The following PROSER2 variants were observed in gnomAD, a reference collection of about 807,000 sequenced individuals.
The protein encoded by PROSER2 is proline and serine-rich protein 2.
PROSER2 carries 18 observed loss-of-function variants against 14.6 expected under a neutral mutation model. The observed-to-expected ratio is 1.23, with a 90% CI of 0.85 to 1.83. The LOEUF is 1.83. Among genes scored for constraint, PROSER2 ranks in the 40% most tolerant of loss-of-function variants. The pLI, the probability that PROSER2 is intolerant of heterozygous loss-of-function variation, is 0.00. For synonymous variants in PROSER2, 367 were observed against 286.4 expected (o/e 1.28, Z -2.84); for missense variants, 823 against 629.8 (o/e 1.31, Z -3.28).
At chr10:11,857,429 A>G (rs1047098404) in intron 2 of PROSER2, 1 of 152,178 alleles carries the variant, frequency 6.6e-6, no homozygotes, top group African/African-American at 2.4e-5. Context: ...GAAACATGAC[A>G]GTAGTATCTA....
At position 11,838,632 on chromosome 10, in the gene PROSER2, A is replaced by G. The variant is rs1004702643; in HGVS notation, c.-81-13365A>G. Among the ~76,000 whole-genome samples, 3 of 152,230 alleles carry G rather than the reference A, an allele frequency of 2.0e-5. No individual in the cohort carries two copies. Among genetic ancestry groups the G allele is most frequent in the African/African-American group, 7.2e-5 (3 of 41,456 alleles). On this transcript the variant is annotated intron_variant, in intron 1 of 3. Coordinates refer to ENST00000277570, the MANE Select transcript of PROSER2 (RefSeq NM_153256.4). The surrounding 1 kb of genome is among the most constrained non-coding windows in gnomAD (Gnocchi z 4.4). Reference sequence around the variant, plus strand: ...GTATGAATTCATTCCCAGCAGGTTCACCAAGGTTGACCCACATTCTTGCTG... The same window carrying G: ...GTATGAATTCATTCCCAGCAGGTTCGCCAAGGTTGACCCACATTCTTGCTG...
rs966658691 is a variant in PROSER2, at chr10:11,830,499, G to C, written c.-82+7029G>C. ...CGCCGCGGTAAAGATGCAAGTGCAG[G>C]TGTCTTTTGATGTAATGATTTCTCT... On this transcript the variant is annotated intron_variant, in intron 1 of 3. Coordinates refer to ENST00000277570, the MANE Select transcript of PROSER2 (RefSeq NM_153256.4). This position sits in a 1 kb window ranked among gnomAD's most constrained non-coding sequence, Gnocchi z 4.5. Among the ~76,000 whole-genome samples, 4 of 152,190 alleles carry C rather than the reference G, an allele frequency of 2.6e-5. No individual in the cohort carries two copies. Among genetic ancestry groups the C allele is most frequent in the African/African-American group, 9.7e-5 (4 of 41,450 alleles).
intron 2 of PROSER2, chr10:11,857,283 G>A (rs1834140137): frequency 6.6e-6 from 1 of 152,164 alleles, no homozygotes; most frequent in African/African-American, 2.4e-5. Flanking sequence ...AGACACTGAA[G>A]GCAGCCCAGG....
At chr10:11,833,496 G>T (rs1342097079) in intron 1 of PROSER2, among the ~76,000 whole-genome samples, 1 of 151,998 alleles carries the variant, frequency 6.6e-6, no homozygotes, top group Non-Finnish European at 1.5e-5. Context: ...TTCGAGACCA[G>T]CCTGGCCAAC....
chr10:11,848,839 T>C (rs1349304094), intron 1 of PROSER2, among the ~76,000 whole-genome samples: 1 of 152,224 alleles, frequency 6.6e-6, no homozygotes, highest in Non-Finnish European at 1.5e-5. Context: ...TTGTTGATTC[T>C]TTTTTCTGTT....
Position 11,866,829 on chromosome 10 carries a change from C to A in PROSER2, c.391+46C>A. 6.3e-7 allele frequency: 1 copy of A among 1,578,292 alleles called. No homozygotes were observed. Among genetic ancestry groups the A allele is most frequent in the South Asian group, 1.1e-5 (1 of 88,094 alleles). ...TCCCTGGGATGTGGTTTCCTGGTGT[C>A]TGTGAGACCCAGAGATACTTCTTTT... On this transcript the variant is annotated intron_variant, in intron 3 of 3. Coordinates refer to ENST00000277570, the MANE Select transcript of PROSER2 (RefSeq NM_153256.4). This position sits in a 1 kb window ranked among gnomAD's most constrained non-coding sequence, Gnocchi z 6.0.
Position 11,866,500 on chromosome 10 carries a change from C to G in PROSER2, c.139-31C>G, listed in dbSNP as rs1416471233. 1 of 1,608,200 alleles carries G rather than the reference C, an allele frequency of 6.2e-7. No homozygotes were observed. Among genetic ancestry groups the G allele is most frequent in the Admixed American group, 1.7e-5 (1 of 59,514 alleles). ...CTTTAGTGAAGCCAGTGTTTGTTTTCTCTCTTCTGTTCCCAATCCCTGTAC... is the reference window on the plus strand; with the variant it reads ...CTTTAGTGAAGCCAGTGTTTGTTTTGTCTCTTCTGTTCCCAATCCCTGTAC... On this transcript the variant is annotated intron_variant, in intron 2 of 3. Transcript: ENST00000277570. The surrounding 1 kb of genome is among the most constrained non-coding windows in gnomAD (Gnocchi z 6.0).
intron 1 of PROSER2, among the ~76,000 whole-genome samples, chr10:11,835,247 C>T (rs1328058717): frequency 1.3e-5 from 2 of 152,160 alleles, no homozygotes; most frequent in Non-Finnish European, 2.9e-5. Context: ...GCTCCTCTTA[C>T]CTCTGCCTGA....
At chr10:11,844,698 T>C (rs1481667845) in intron 1 of PROSER2, among the ~76,000 whole-genome samples, 1 of 152,238 alleles carries the variant, frequency 6.6e-6, no homozygotes, top group Non-Finnish European at 1.5e-5. Flanking sequence ...CTCAGCTCAC[T>C]GCAACCTCTG....
chr10:11,840,957 T>A (rs938544379), intron 1 of PROSER2, among the ~76,000 whole-genome samples: 41 of 25,956 alleles, frequency 1.6e-3, no homozygotes, highest in Non-Finnish European at 2.1e-3. Context: ...AAAAAAAAAA[T>A]ATATATATAT....
rs1244977006 is a variant in PROSER2, at chr10:11,836,283, A to G, written c.-82+12813A>G. On this transcript the variant is annotated intron_variant, in intron 1 of 3. Transcript: ENST00000277570. This position sits in a 1 kb window ranked among gnomAD's most constrained non-coding sequence, Gnocchi z 4.6. ...GTGATCTCCACTCACTGCAGCCTCC[A>G]CCTTCCAGGTTCAAGCGATTCTCCC... is the stretch of plus-strand genomic sequence containing the variant. Among the ~76,000 whole-genome samples the G allele has an allele frequency of 6.6e-6, 1 of 151,890 alleles. No homozygotes were observed. The highest frequency in any genetic ancestry group is 1.5e-5 in the Non-Finnish European group (1 of 67,962).
chr10:11,858,935 G>GGA (rs1276081759), intron 2 of PROSER2, among the ~76,000 whole-genome samples: 1 of 149,242 alleles, frequency 6.7e-6, no homozygotes, highest in African/African-American at 2.5e-5. Flanking sequence ...CTTGAACCCA[G>GGA]GAGGTGGAGG....
At chr10:11,852,541 C>CTTT (rs35880911) in intron 2 of PROSER2, among the ~76,000 whole-genome samples, 51 of 150,990 alleles carry the variant, frequency 3.4e-4, no homozygotes, top group Admixed American at 1.9e-3. Flanking sequence ...ACAGTTGACT[C>CTTT]TTTTTTTTGA....
chr10:11,842,096 C>A (rs920512046), intron 1 of PROSER2, among the ~76,000 whole-genome samples: 1 of 151,966 alleles, frequency 6.6e-6, no homozygotes, highest in Non-Finnish European at 1.5e-5. Context: ...GTGACGTGAG[C>A]CTGTGGTCCC....
In PROSER2 at chr10:11,869,907, C is replaced by T. The variant is rs1434114935; in HGVS notation, c.809C>T (p.Thr270Ile). 1.3e-6 allele frequency: 2 copies of T among 1,583,262 alleles called. No individual in the cohort carries two copies. The highest frequency in any genetic ancestry group is 1.7e-6 in the Non-Finnish European group (2 of 1,167,896). The stretch of plus-strand genomic sequence containing the variant: ...GGCGCGGCCCGGGAGCCCCGCAGGA[C>T]CCTGTCCAGGGCGGCCGTCAGCGTG... ...TNGAAREPRR[T>I]LSRAAVSVQE... Residue 270 changes from threonine (T) to isoleucine (I), a missense_variant, in exon 4 of 4, where the codon ACC becomes ATC. Transcript: ENST00000277570. The surrounding 1 kb of genome is among the most constrained non-coding windows in gnomAD (Gnocchi z 4.4).
In PROSER2 at chr10:11,856,813, C is replaced by A. The variant is rs932673991; in HGVS notation, c.138+4598C>A. Among the ~76,000 whole-genome samples, 1 of 152,172 alleles carries A rather than the reference C, an allele frequency of 6.6e-6. No individual in the cohort carries two copies. The highest frequency in any genetic ancestry group is 2.4e-5 in the African/African-American group (1 of 41,434). ...ATGGCAAGCACTGGGGGGCTTCCCA[C>A]GTGGCCGGGCCGGAGCAAAGTCTGA... On this transcript the variant is annotated intron_variant, in intron 2 of 3. Coordinates refer to ENST00000277570, the MANE Select transcript of PROSER2 (RefSeq NM_153256.4). This position sits in a 1 kb window ranked among gnomAD's most constrained non-coding sequence, Gnocchi z 5.3.
Position 11,869,822 on chromosome 10 carries a change from C to T in PROSER2, c.724C>T (p.Pro242Ser). The T allele has an allele frequency of 6.4e-7, 1 of 1,568,014 alleles. No individual in the cohort carries two copies. Among genetic ancestry groups the T allele is most frequent in the Non-Finnish European group, 8.6e-7 (1 of 1,160,312 alleles). ...CCGCAGTGGAGACCCTGGCCCGGGGCCCAGCCACCCGGCGCAGCCCAAGGC... is the reference window on the plus strand; with the variant it reads ...CCGCAGTGGAGACCCTGGCCCGGGGTCCAGCCACCCGGCGCAGCCCAAGGC... Reference protein sequence around the residue: ...GPRSGDPGPGPSHPAQPKAPR... With the variant: ...GPRSGDPGPGSSHPAQPKAPR... Residue 242 changes from proline (P) to serine (S), a missense_variant, in exon 4 of 4, where the codon CCC (proline) becomes TCC (serine). By Grantham distance (74) the Pro-to-Ser change is moderately conservative. Transcript: ENST00000277570. The surrounding 1 kb of genome is among the most constrained non-coding windows in gnomAD (Gnocchi z 4.4).
At chr10:11,867,662 C>T (rs1834379764) in intron 3 of PROSER2, among the ~76,000 whole-genome samples, 1 of 152,190 alleles carries the variant, frequency 6.6e-6, no homozygotes, top group Non-Finnish European at 1.5e-5. Flanking sequence ...GCTGACGTGG[C>T]AGGAGGTGGA....
Position 11,869,867 on chromosome 10 carries a change from A to T in PROSER2, c.769A>T (p.Ile257Phe), listed in dbSNP as rs1265287351. The T allele has an allele frequency of 5.6e-6, 9 of 1,594,176 alleles. No individual in the cohort carries two copies. Among genetic ancestry groups the T allele is most frequent in the Non-Finnish European group, 7.7e-6 (9 of 1,172,594 alleles). ...QPKAPRFPSNIIVTNGAAREP... is the reference protein window; with the variant it reads ...QPKAPRFPSNFIVTNGAAREP... ...CAAGGCACCCCGCTTCCCCAGCAAC[A>T]TCATCGTCACCAACGGCGCGGCCCG... is the stretch of plus-strand genomic sequence containing the variant. Residue 257 changes from isoleucine (I) to phenylalanine (F), a missense_variant, in exon 4 of 4, where the codon ATC becomes TTC. Coordinates refer to ENST00000277570, the MANE Select transcript of PROSER2 (RefSeq NM_153256.4). This position sits in a 1 kb window ranked among gnomAD's most constrained non-coding sequence, Gnocchi z 4.4.
Sources: allele counts gnomAD v4.1 joint callset (sites outside exome capture counted in the v4.1 genomes callset), GRCh38; gene constraint gnomAD v4.1.1; non-coding constraint Gnocchi (gnomAD v3.1); transcripts MANE v1.5; gene names NCBI Gene and HGNC (gene_info 2026-07-23, HGNC 2026-07-21).